LAMA2: variants seen among roughly 807,000 people sequenced by gnomAD.
The protein encoded by LAMA2 is laminin subunit alpha 2.
A neutral mutation model predicts 364.8 loss-of-function variants in LAMA2; 269 were observed. That is an observed-to-expected ratio of 0.74 (90% CI 0.67 to 0.82). The LOEUF (loss-of-function observed/expected upper bound fraction) is 0.82, where lower values mean the gene tolerates loss of function less well. Ranked by LOEUF, LAMA2 falls within the 40% of genes least tolerant of loss-of-function variation. The pLI is 0.00. For synonymous variants in LAMA2, 1,379 were observed against 1,370.6 expected (o/e 1.01, Z -0.14); for missense variants, 3,807 against 3,873.2 (o/e 0.98, Z 0.45).
chr6:128,991,010 A>G (rs768354295), intron 1 of LAMA2, among the ~76,000 whole-genome samples: 2 of 151,994 alleles, frequency 1.3e-5, no homozygotes, highest in Non-Finnish European at 2.9e-5. Context: ...TTAGTGTTTG[A>G]TGAGGGATTG....
At position 129,283,911 on chromosome 6, in the gene LAMA2, A is replaced by G. The variant is rs902370; in HGVS notation, c.2537+3764A>G. On this transcript the variant is annotated intron_variant, in intron 18 of 64. Transcript: ENST00000421865. Reference sequence around the variant, plus strand: ...ATACCTACCTGTAGTACTGTTAGCAAAATTGTGACTCCAGTTGAGGTGTCA... The same window carrying G: ...ATACCTACCTGTAGTACTGTTAGCAGAATTGTGACTCCAGTTGAGGTGTCA... 0.58 allele frequency among the ~76,000 whole-genome samples: 87,205 copies of G among 151,586 alleles called. 28,702 individuals are homozygous for G. The highest frequency in any genetic ancestry group is 0.74 in the Non-Finnish European group (50,444 of 67,880).
At chr6:129,306,219 T>C (rs1283250757) in intron 22 of LAMA2, among the ~76,000 whole-genome samples, 1 of 151,720 alleles carries the variant, frequency 6.6e-6, no homozygotes, top group Non-Finnish European at 1.5e-5. Context: ...CATTAAAATT[T>C]TCATTTCATA....
chr6:129,335,954 G>C (rs1238923905), intron 29 of LAMA2, among the ~76,000 whole-genome samples: 1 of 152,196 alleles, frequency 6.6e-6, no homozygotes, highest in Non-Finnish European at 1.5e-5. Flanking sequence ...CTGCAAAAGT[G>C]ACTAGGGGTC....
At chr6:129,012,533 T>A (rs1562918243) in intron 1 of LAMA2, among the ~76,000 whole-genome samples, 1 of 152,222 alleles carries the variant, frequency 6.6e-6, no homozygotes, top group Non-Finnish European at 1.5e-5. Context: ...TTTGGCATAA[T>A]TCCTTTTTCT....
chr6:129,311,288 A>AT (rs1774211363), intron 22 of LAMA2, among the ~76,000 whole-genome samples: 2 of 151,922 alleles, frequency 1.3e-5, no homozygotes, highest in Non-Finnish European at 2.9e-5. Context: ...CGCCCGGCTA[A>AT]TTTTTTGTGT....
chr6:129,132,491 T>C (rs978112639), intron 4 of LAMA2, among the ~76,000 whole-genome samples: 9 of 152,208 alleles, frequency 5.9e-5, no homozygotes, highest in African/African-American at 1.9e-4. Flanking sequence ...ATTGCTTGCA[T>C]GAAAATTGGA....
intron 40 of LAMA2, 39 bp from the exon 41 acceptor site, chr6:129,427,713 A>G (rs557799178): frequency 2.8e-6 from 4 of 1,440,330 alleles, no homozygotes; most frequent in Admixed American, 3.3e-5. Context: ...CCATTATTCT[A>G]TGGTTTTAGA....
chr6:128,983,322 G>C (rs908269860), intron 1 of LAMA2, among the ~76,000 whole-genome samples: 11 of 151,968 alleles, frequency 7.2e-5, no homozygotes, highest in African/African-American at 2.4e-4. Flanking sequence ...GTGTGAGATG[G>C]TATCTCATTG....
Position 129,270,731 on chromosome 6 carries a change from A to C in LAMA2, c.2430A>C (p.Pro810=), listed in dbSNP as rs147572139. The change falls in exon 17 of 65, where the codon CCA becomes CCC. Residue 810 remains proline, a synonymous_variant. Transcript: ENST00000421865. ...AAGACTGTCAACCCTGTGCCTGTCCACTCAATATCCCATCCAATAAGTAAG... is the reference window on the plus strand; with the variant it reads ...AAGACTGTCAACCCTGTGCCTGTCCCCTCAATATCCCATCCAATAAGTAAG... ...TSEDCQPCAC[P]LNIPSNNFSP... 611 of 1,613,234 alleles carry C rather than the reference A, an allele frequency of 3.8e-4. 5 individuals are homozygous for C. The African/African-American group carries it at 7.6e-3, about 20-fold the overall frequency.
chr6:129,515,707 T>TAAA (rs1238676017), intron 64 of LAMA2, among the ~76,000 whole-genome samples: 34 of 152,262 alleles, frequency 2.2e-4, no homozygotes, highest in African/African-American at 8.2e-4. Flanking sequence ...GTCACAACTA[T>TAAA]AAATTTGTTC....
chr6:129,327,055 A>T (rs1474764032), intron 28 of LAMA2, among the ~76,000 whole-genome samples: 1 of 151,994 alleles, frequency 6.6e-6, no homozygotes, highest in Non-Finnish European at 1.5e-5. Flanking sequence ...ACCATAAGAC[A>T]AATAAGACTC....
intron 1 of LAMA2, among the ~76,000 whole-genome samples, chr6:128,979,199 G>A (rs1283161891): frequency 6.6e-6 from 1 of 152,158 alleles, no homozygotes; most frequent in Non-Finnish European, 1.5e-5. Context: ...CAATATGTAT[G>A]TGTGAGTAGA....
In LAMA2 at chr6:129,049,812, T is replaced by C. The variant is rs1787864901; in HGVS notation, c.113-106T>C. On this transcript the variant is annotated intron_variant, in intron 1 of 64. Transcript: ENST00000421865. ...TTATCATTAATTATCTCATGTTGGG[T>C]TACTTTAATGCTCCGAAAAATATTT... The C allele has an allele frequency of 3.3e-6, 3 of 909,542 alleles. No individual in the cohort carries two copies. In the Admixed American group the frequency reaches 5.5e-5, roughly 17 times the overall value. The allele number at this position is 909,542 out of a possible 1,614,324, so 56.3% of individuals were successfully genotyped here. A position where few individuals can be genotyped will look rare whatever the true frequency, so the allele number is the denominator to read the frequency against.
intron 12 of LAMA2, among the ~76,000 whole-genome samples, chr6:129,211,048 G>GA (rs1422208160): frequency 6.6e-6 from 1 of 152,184 alleles, no homozygotes; most frequent in Non-Finnish European, 1.5e-5. Flanking sequence ...GGGAAAACAT[G>GA]ATACAAACAG....
chr6:128,984,405 G>C (rs193287043), intron 1 of LAMA2, among the ~76,000 whole-genome samples: 47 of 152,206 alleles, frequency 3.1e-4, no homozygotes, highest in Non-Finnish European at 5.9e-4. Flanking sequence ...GGGCCCATTC[G>C]TATGTACTTA....
intron 56 of LAMA2, among the ~76,000 whole-genome samples, chr6:129,489,302 CCTT>C (rs1328317033): frequency 6.6e-6 from 1 of 152,160 alleles, no homozygotes; most frequent in Non-Finnish European, 1.5e-5. Flanking sequence ...TCAAGAAGCT[CCTT>C]CTCCCTTGTC....
At chr6:129,120,862 G>T (rs1453461246) in intron 4 of LAMA2, among the ~76,000 whole-genome samples, 3 of 152,160 alleles carry the variant, frequency 2.0e-5, no homozygotes, top group Non-Finnish European at 4.4e-5. Flanking sequence ...CATTATAGAA[G>T]AATCCAAATG....
intron 1 of LAMA2, among the ~76,000 whole-genome samples, chr6:128,912,873 A>G (rs1299426505): frequency 6.6e-6 from 1 of 152,174 alleles, no homozygotes; most frequent in Non-Finnish European, 1.5e-5. Context: ...CTGAGTTTTG[A>G]ACAGAAGAGA....
chr6:128,988,109 G>T lies in LAMA2; in HGVS notation c.113-61809G>T, dbSNP rs527679340. On this transcript the variant is annotated intron_variant, in intron 1 of 64. Coordinates refer to ENST00000421865, the MANE Select transcript of LAMA2 (RefSeq NM_000426.4). ...TCGAACTCCTGACCTCGGGTAATCT[G>T]CTCGTCTTGGCCTCCCAAAGTGCTG... Among the ~76,000 whole-genome samples the T allele has an allele frequency of 5.9e-5, 9 of 152,238 alleles. No individual in the cohort carries two copies. In the East Asian group the frequency reaches 1.7e-3, roughly 29 times the overall value.
Sources: gnomAD v4.1 joint callset for allele counts (sites outside exome capture counted in the v4.1 genomes callset) on GRCh38, gnomAD v4.1.1 for gene constraint, MANE v1.5 for transcripts, NCBI Gene and HGNC (gene_info 2026-07-23, HGNC 2026-07-21) for gene names.